Variants in ATAD3A observed in about 807,000 individuals in gnomAD.
ATAD3A encodes ATPase family AAA domain-containing protein 3A.
Under a neutral mutation model 73.8 loss-of-function variants are expected in ATAD3A, and 46 were observed. The ratio of observed to expected loss-of-function variants is 0.62; its 90% CI spans 0.49 to 0.80. The LOEUF is 0.80. ATAD3A is among the 30% of genes least tolerant of loss of function. The pLI is 0.00. For missense variants in ATAD3A, 705 were observed against 838.0 expected, an observed-to-expected ratio of 0.84 and a Z score of 1.96; for synonymous variants, 319 against 350.0, an observed-to-expected ratio of 0.91 and a Z score of 0.99.
At chr1:1,518,604 CACACACGGGCGTACACA>C (rs1387318555) in intron 4 of ATAD3A, among the ~76,000 whole-genome samples, 16 of 134,412 alleles carry the variant, frequency 1.2e-4, no homozygotes, top group African/African-American at 3.7e-4. Context: ...GGCACACACC[CACACACGGGCGTACACA>C]CCCCCCCCCA....
At chr1:1,514,588 C>T (rs188140923) in intron 1 of ATAD3A, among the ~76,000 whole-genome samples, 1 of 152,358 alleles carries the variant, frequency 6.6e-6, no homozygotes, top group South Asian at 2.1e-4. Flanking sequence ...TGCCTAACCA[C>T]AGGCCCAAGC....
At chr1:1,517,498 G>A in intron 3 of ATAD3A, 86 bp downstream of exon 3, 7 of 1,114,900 alleles carry the variant, frequency 6.3e-6, no homozygotes, top group Non-Finnish European at 8.6e-6. Flanking sequence ...TGGTCCCGGG[G>A]CACTCTGGAG....
In ATAD3A at chr1:1,526,497, G is replaced by T. The variant is rs763043823; in HGVS notation, c.1303G>T (p.Ala435Ser). ...ISEDLRATLN[A>S]FLYRTGQHSN... ...CGAGGACCTCAGGGCCACACTGAAC[G>T]CCTTCCTGTACCGCACGGGCCAGCA... The change falls in exon 13 of 16, where the codon GCC becomes TCC. Residue 435 changes from alanine to serine, a missense_variant. Ala to Ser is a moderately conservative substitution (Grantham distance 99, BLOSUM62 1). This residue lies in a region of ATAD3A where 252 missense variants were observed against 278.5 expected (regional missense o/e 0.90). Coordinates refer to ENST00000378756, the MANE Select transcript of ATAD3A (RefSeq NM_001170535.3). 2.5e-6 allele frequency: 4 copies of T among 1,612,650 alleles called. No individual in the cohort carries two copies. In the Admixed American group the frequency reaches 6.7e-5, roughly 27 times the overall value.
intron 4 of ATAD3A, among the ~76,000 whole-genome samples, chr1:1,518,621 A>ACACCCC (rs1553125091): frequency 1.0e-4 from 4 of 38,096 alleles, no homozygotes; most frequent in African/African-American, 7.6e-4. Context: ...GGGCGTACAC[A>ACACCCC]CCCCCCCCCA....
In ATAD3A at chr1:1,525,090, C is replaced by T. The variant is rs1027939482; in HGVS notation, c.1215-150C>T. 18 of 1,104,800 alleles carry T rather than the reference C, an allele frequency of 1.6e-5. No individual in the cohort carries two copies. The African/African-American group carries it at 2.3e-4, about 14-fold the overall frequency. The allele number at this position is 1,104,800 out of a possible 1,614,324, so 68.4% of individuals were successfully genotyped here. ...GCCCAGAGGCCAGGCTGATCGGCTT[C>T]TGTCGAGTCCAGGACTTAGGGCTGC... is the stretch of plus-strand genomic sequence containing the variant. On this transcript the variant is annotated intron_variant, in intron 11 of 15. Coordinates refer to ENST00000378756, the MANE Select transcript of ATAD3A (RefSeq NM_001170535.3).
intron 15 of ATAD3A, among the ~76,000 whole-genome samples, chr1:1,530,546 A>ATT (rs533162940): frequency 0.096 from 12,831 of 134,016 alleles, 1,962 homozygotes; most frequent in African/African-American, 0.31. Context: ...ACTAAGAATA[A>ATT]TGGCCGGGCG....
At chr1:1,518,750 A>G (rs1330101770) in intron 4 of ATAD3A, among the ~76,000 whole-genome samples, 171 bp from the exon 5 acceptor site, 1 of 147,802 alleles carries the variant, frequency 6.8e-6, no homozygotes, top group Non-Finnish European at 1.5e-5. Flanking sequence ...ACATGGGCAC[A>G]GTCACCCGCC....
In ATAD3A at chr1:1,527,059, C is replaced by T. The variant is rs189943471; in HGVS notation, c.1337+528C>T. The T allele has an allele frequency of 1.6e-3, 1,167 of 734,764 alleles. 8 individuals carry two copies. The African/African-American group carries it at 0.018, about 12-fold the overall frequency. The allele number at this position is 734,764 out of a possible 1,614,324, so 45.5% of individuals were successfully genotyped here. A position where few individuals can be genotyped will look rare whatever the true frequency, so the allele number is the denominator to read the frequency against. On this transcript the variant is annotated intron_variant, in intron 13 of 15. Transcript: ENST00000378756. Reference sequence around the variant, plus strand: ...ACTTTGTGTGGCCTCTGTGGGCTGCCGCCCAGAGGTCCCCCATAGGGTGAC... The same window carrying T: ...ACTTTGTGTGGCCTCTGTGGGCTGCTGCCCAGAGGTCCCCCATAGGGTGAC...
In ATAD3A at chr1:1,520,289, C is replaced by T. The variant is rs779113320; in HGVS notation, c.663C>T (p.Thr221=). The T allele has an allele frequency of 5.6e-6, 9 of 1,612,896 alleles. No individual in the cohort carries two copies. Among genetic ancestry groups the T allele is most frequent in the East Asian group, 4.5e-5 (2 of 44,890 alleles). ...TGAAGGCGGCCGAGCACCGTCAGAC[C>T]GTCTTGGAGTCCATCAGGTGAGCAC... is the stretch of plus-strand genomic sequence containing the variant. ...IRLKAAEHRQ[T]VLESIRTAGT... The change falls in exon 6 of 16, where the codon ACC becomes ACT. Residue 221 remains threonine (T), a synonymous_variant. Coordinates refer to ENST00000378756, the MANE Select transcript of ATAD3A (RefSeq NM_001170535.3). The surrounding 1 kb of genome is among the most constrained non-coding windows in gnomAD (Gnocchi z 4.0).
chr1:1,526,097 A>G (rs1475088153), intron 12 of ATAD3A, among the ~76,000 whole-genome samples: 6 of 150,560 alleles, frequency 4.0e-5, no homozygotes, highest in Non-Finnish European at 7.4e-5. Context: ...ATTTCAGCTC[A>G]CTACAACCTC....
At chr1:1,515,271 T>G (rs1403633450) in intron 1 of ATAD3A, among the ~76,000 whole-genome samples, 11 of 152,058 alleles carry the variant, frequency 7.2e-5, no homozygotes, top group Non-Finnish European at 1.2e-4. Flanking sequence ...GAGATGGGGT[T>G]TCACCACATT....
In ATAD3A at chr1:1,518,910, C is replaced by T. The variant is rs762167913; in HGVS notation, c.445-11C>T. 4.4e-6 allele frequency: 7 copies of T among 1,605,688 alleles called. No individual in the cohort carries two copies. Among genetic ancestry groups the T allele is most frequent in the East Asian group, 2.2e-5 (1 of 44,866 alleles). ...TAAAGGCTTTTCTCTTTTTCTGCGGCTTCTTCTCAGCAACTTCTCAATGAG... is the reference window on the plus strand; with the variant it reads ...TAAAGGCTTTTCTCTTTTTCTGCGGTTTCTTCTCAGCAACTTCTCAATGAG... On this transcript the variant is annotated splice_polypyrimidine_tract_variant and intron_variant, in intron 4 of 15. Transcript: ENST00000378756.
In ATAD3A at chr1:1,534,494, C is replaced by G. The variant is rs138599210; in HGVS notation, c.*422C>G. On this transcript the variant is annotated 3_prime_UTR_variant, in exon 16 of 16. Coordinates refer to ENST00000378756, the MANE Select transcript of ATAD3A (RefSeq NM_001170535.3). ...AGGGGGCGCCTGCCAGGGCCAGACC[C>G]AGGTGGGGCAGCCTGAACCCTGCTT... 9.7e-4 allele frequency: 830 copies of G among 852,146 alleles called. 6 individuals carry two copies. The African/African-American group carries it at 0.012, about 12-fold the overall frequency. 52.8% of individuals were successfully genotyped at this position (852,146 alleles called of 1,614,324 possible). A position where few individuals can be genotyped will look rare whatever the true frequency, so the allele number is the denominator to read the frequency against.
At chr1:1,517,258 C>A in intron 2 of ATAD3A, 53 bp from the exon 3 acceptor site, 1 of 1,547,200 alleles carries the variant, frequency 6.5e-7, no homozygotes, top group East Asian at 2.5e-5. Context: ...GAGCGGCTGT[C>A]AGGCAGTGCC....
intron 7 of ATAD3A, among the ~76,000 whole-genome samples, chr1:1,522,404 T>C (rs1416037242): frequency 3.3e-5 from 5 of 152,210 alleles, no homozygotes; most frequent in Admixed American, 6.6e-5. Flanking sequence ...AGGAATAAAG[T>C]ACCATTTTTA....
Position 1,523,935 on chromosome 1 carries a change from C to T in ATAD3A, c.1060C>T (p.Pro354Ser), listed in dbSNP as rs765080606. 1 of 1,613,974 alleles carries T rather than the reference C, an allele frequency of 6.2e-7. No individual in the cohort carries two copies. The highest frequency in any genetic ancestry group is 8.5e-7 in the Non-Finnish European group (1 of 1,180,016). ...LYRNILMYGPPGTGKTLFAKK... is the reference protein window; with the variant it reads ...LYRNILMYGPSGTGKTLFAKK... ...CAGGAACATCCTGATGTACGGGCCA[C>T]CAGGCACCGGGAAGACGCTGTTTGC... is the stretch of plus-strand genomic sequence containing the variant. The change falls in exon 10 of 16, where the codon CCA becomes TCA. Residue 354 changes from proline to serine, a missense_variant. Pro to Ser is a moderately conservative substitution (Grantham distance 74). Around this residue, in one of 5 missense-constraint regions of ATAD3A, gnomAD observed 315 missense variants for 334.1 expected, o/e 0.94. Coordinates refer to ENST00000378756, the MANE Select transcript of ATAD3A (RefSeq NM_001170535.3). This position sits in a 1 kb window ranked among gnomAD's most constrained non-coding sequence, Gnocchi z 5.1.
intron 1 of ATAD3A, among the ~76,000 whole-genome samples, chr1:1,513,172 A>G (rs1570315015): frequency 1.3e-5 from 2 of 152,208 alleles, no homozygotes; most frequent in Admixed American, 1.3e-4. Flanking sequence ...TTTAACCATC[A>G]GGTTAGGATG....
chr1:1,531,404 T>C lies in ATAD3A; in HGVS notation c.1614+2073T>C, dbSNP rs1021774997. The stretch of plus-strand genomic sequence containing the variant: ...AGGCGGAGGTTGCAAAGAGCCGAGA[T>C]TGCACCACTGCACTCCAGCCTGGCA... On this transcript the variant is annotated intron_variant, in intron 15 of 15. Transcript: ENST00000378756. 4.6e-5 allele frequency among the ~76,000 whole-genome samples: 7 copies of C among 151,512 alleles called. No individual in the cohort carries two copies. In the East Asian group the frequency reaches 7.8e-4, roughly 17 times the overall value.
At chr1:1,529,871 A>G (rs1454058347) in intron 15 of ATAD3A, among the ~76,000 whole-genome samples, 1 of 152,220 alleles carries the variant, frequency 6.6e-6, no homozygotes, top group East Asian at 1.9e-4. Context: ...GACTCACAGG[A>G]GTGTGGGCGT....
Sources: allele counts gnomAD v4.1 joint callset (sites outside exome capture counted in the v4.1 genomes callset), GRCh38; gene constraint gnomAD v4.1.1; regional missense constraint gnomAD v4.1.1; non-coding constraint Gnocchi (gnomAD v3.1); transcripts MANE v1.5; gene names NCBI Gene and HGNC (gene_info 2026-07-23, HGNC 2026-07-21).